The following CNBD1 variants were observed in gnomAD, a reference collection of about 807,000 sequenced individuals.
The protein encoded by CNBD1 is cyclic nucleotide-binding domain-containing protein 1.
Under a neutral mutation model 54.4 loss-of-function variants are expected in CNBD1, and 71 were observed. The observed-to-expected ratio is 1.30, with a 90% CI of 1.08 to 1.59. The LOEUF is 1.59. Ranked by LOEUF, CNBD1 falls within the 40% of genes most tolerant of loss-of-function variation. The pLI, the probability that CNBD1 is intolerant of heterozygous loss-of-function variation, is 0.00. For missense variants in CNBD1, 659 were observed against 518.0 expected, an observed-to-expected ratio of 1.27 and a Z score of -2.64; for synonymous variants, 182 against 170.7, an observed-to-expected ratio of 1.07 and a Z score of -0.51.
At chr8:87,207,533 C>T (rs557953965) in intron 5 of CNBD1, among the ~76,000 whole-genome samples, 1 of 151,956 alleles carries the variant, frequency 6.6e-6, no homozygotes, top group Non-Finnish European at 1.5e-5. Flanking sequence ...TTCAAAAATA[C>T]ATATTTTTAA....
intron 6 of CNBD1, among the ~76,000 whole-genome samples, chr8:87,277,070 TTA>T (rs10583348): frequency 0.28 from 41,264 of 149,154 alleles, 5,948 homozygotes; most frequent in African/African-American, 0.37. Context: ...GATGGGTCAT[TTA>T]TATATATATA....
chr8:87,060,286 G>C (rs544362487), intron 4 of CNBD1, among the ~76,000 whole-genome samples: 3 of 152,228 alleles, frequency 2.0e-5, no homozygotes, highest in African/African-American at 7.2e-5. Flanking sequence ...ATTTTAAGCT[G>C]CTAAGTTTGT....
intron 1 of CNBD1, among the ~76,000 whole-genome samples, chr8:86,873,205 G>A (rs2131768907): frequency 6.6e-6 from 1 of 151,518 alleles, no homozygotes; most frequent in East Asian, 2.0e-4. Context: ...GGGTTCAAGA[G>A]ATTCACCTGC....
chr8:87,024,702 T>C (rs886882927), intron 4 of CNBD1, among the ~76,000 whole-genome samples: 1 of 152,194 alleles, frequency 6.6e-6, no homozygotes, highest in Admixed American at 6.5e-5. Context: ...GTAGAAGTAA[T>C]AAGACATTTT....
chr8:87,321,054 T>C, intron 8 of CNBD1, among the ~76,000 whole-genome samples: 1 of 151,822 alleles, frequency 6.6e-6, no homozygotes, highest in East Asian at 1.9e-4. Flanking sequence ...TTCTTATTTA[T>C]AGATGAATTA....
chr8:87,369,874 C>G (rs1379126546), intron 10 of CNBD1, among the ~76,000 whole-genome samples: 1 of 151,998 alleles, frequency 6.6e-6, no homozygotes, highest in African/African-American at 2.4e-5. Flanking sequence ...CTATCCCTCC[C>G]CACTCCCCCG....
intron 4 of CNBD1, among the ~76,000 whole-genome samples, chr8:87,095,273 A>G (rs1156277888): frequency 6.6e-6 from 1 of 152,228 alleles, no homozygotes; most frequent in Non-Finnish European, 1.5e-5. Flanking sequence ...GACGTTGGTT[A>G]GTTTTGATTT....
chr8:87,128,331 T>G (rs1278543493), intron 4 of CNBD1, among the ~76,000 whole-genome samples: 1 of 152,172 alleles, frequency 6.6e-6, no homozygotes, highest in Non-Finnish European at 1.5e-5. Context: ...CACTCAACCC[T>G]GGATGCTGCC....
At chr8:86,921,586 T>A (rs1809276256) in intron 3 of CNBD1, among the ~76,000 whole-genome samples, 1 of 152,010 alleles carries the variant, frequency 6.6e-6, no homozygotes, top group Admixed American at 6.6e-5. Context: ...CATCTTACAT[T>A]GTGGGAGGCA....
chr8:87,118,300 G>A (rs935517474), intron 4 of CNBD1, among the ~76,000 whole-genome samples: 19 of 129,680 alleles, frequency 1.5e-4, no homozygotes, highest in African/African-American at 5.8e-4. Flanking sequence ...GGGCGACAGA[G>A]CGAGACTCTG....
chr8:87,408,712 A>G (rs1426992111), intron 2 of CNBD1, among the ~76,000 whole-genome samples: 1 of 152,130 alleles, frequency 6.6e-6, no homozygotes, highest in Non-Finnish European at 1.5e-5. Flanking sequence ...TTTCCAAAGT[A>G]TATGCTAATT....
chr8:87,383,652 A>C (rs569785779), downstream of CNBD1, among the ~76,000 whole-genome samples: 2 of 152,208 alleles, frequency 1.3e-5, no homozygotes, highest in Admixed American at 1.3e-4. Context: ...CACCACAGGA[A>C]TTGTTTTCAT....
At chr8:87,342,278 GAA>G (rs59161814) in intron 8 of CNBD1, among the ~76,000 whole-genome samples, 10,991 of 138,442 alleles carry the variant, frequency 0.079, 519 homozygotes, top group African/African-American at 0.13. Flanking sequence ...ATCTCAAAAA[GAA>G]AAAAAAAAAA....
At chr8:87,289,168 T>G (rs1226895339) in intron 8 of CNBD1, among the ~76,000 whole-genome samples, 1 of 152,142 alleles carries the variant, frequency 6.6e-6, no homozygotes, top group Non-Finnish European at 1.5e-5. Flanking sequence ...ATTTTAAGAA[T>G]GTACAGTGGA....
At chr8:87,268,256 A>C (rs534358540) in intron 6 of CNBD1, among the ~76,000 whole-genome samples, 60 of 152,292 alleles carry the variant, frequency 3.9e-4, no homozygotes, top group African/African-American at 1.4e-3. Flanking sequence ...CTACAGATCC[A>C]TTCATGTTGC....
At chr8:87,411,408 AT>A (rs1317510726) in intron 2 of CNBD1, among the ~76,000 whole-genome samples, 1 of 136,810 alleles carries the variant, frequency 7.3e-6, no homozygotes, top group Admixed American at 7.5e-5. Context: ...ATATATATAT[AT>A]ATATATATAT....
chr8:86,944,585 C>A (rs1275359175), intron 4 of CNBD1, among the ~76,000 whole-genome samples: 1 of 152,028 alleles, frequency 6.6e-6, no homozygotes, highest in Non-Finnish European at 1.5e-5. Flanking sequence ...ACATGGTCTG[C>A]AAATAGAAAA....
intron 3 of CNBD1, among the ~76,000 whole-genome samples, chr8:86,920,445 C>G (rs796988694): frequency 6.6e-6 from 1 of 152,102 alleles, no homozygotes; most frequent in African/African-American, 2.4e-5. Flanking sequence ...ATATAACTTA[C>G]AATAATTTGG....
chr8:86,988,286 G>A (rs558859160), intron 4 of CNBD1, among the ~76,000 whole-genome samples: 115 of 151,504 alleles, frequency 7.6e-4, no homozygotes, highest in East Asian at 2.5e-3. Flanking sequence ...TCTAATTTGC[G>A]TGCATTCAGT....
Sources: gnomAD v4.1 joint callset for allele counts (sites outside exome capture counted in the v4.1 genomes callset) on GRCh38, gnomAD v4.1.1 for gene constraint, MANE v1.5 for transcripts, NCBI Gene and HGNC (gene_info 2026-07-23, HGNC 2026-07-21) for gene names.